Variants in FHOD3 observed in about 807,000 individuals in gnomAD.
FHOD3 encodes the protein formin homology 2 domain containing 3.
A neutral mutation model predicts 173.0 loss-of-function variants in FHOD3; 90 were observed. That is an observed-to-expected ratio of 0.52 (90% CI 0.44 to 0.62). The LOEUF is 0.62. Among genes scored for constraint, FHOD3 ranks in the 20% least tolerant of loss-of-function variants. FHOD3 has a pLI of 0.00. For missense variants in FHOD3, 1,945 were observed against 2,034.7 expected, an observed-to-expected ratio of 0.96 and a Z score of 0.85; for synonymous variants, 828 against 823.0, an observed-to-expected ratio of 1.01 and a Z score of -0.10.
chr18:36,685,614 G>C (rs993575980), intron 15 of FHOD3, among the ~76,000 whole-genome samples: 2 of 152,140 alleles, frequency 1.3e-5, no homozygotes, highest in African/African-American at 2.4e-5. Flanking sequence ...GTTTATAAAC[G>C]ATGACAAATC....
intron 6 of FHOD3, among the ~76,000 whole-genome samples, chr18:36,588,226 A>G (rs2148233670): frequency 6.6e-6 from 1 of 152,326 alleles, no homozygotes; most frequent in East Asian, 1.9e-4. Context: ...CCAGTTACGA[A>G]GGCTTTAGGG....
intron 1 of FHOD3, among the ~76,000 whole-genome samples, chr18:36,349,714 C>A (rs1322667963): frequency 6.6e-6 from 1 of 152,160 alleles, no homozygotes; most frequent in African/African-American, 2.4e-5. Flanking sequence ...ATACATAAAT[C>A]GAGACGTGAC....
In FHOD3 at chr18:36,709,103, G is replaced by C. The variant is rs746145023; in HGVS notation, c.2245G>C (p.Gly749Arg). The stretch of plus-strand genomic sequence containing the variant: ...ATTGTTGTCTCCACCAGCAAGTGCC[G>C]GGGATCCTGAACCCGAATCAGAGGC... ...GTPHHPQASAGDPEPESEAEP... is the reference protein window; with the variant it reads ...GTPHHPQASARDPEPESEAEP... Residue 749 changes from glycine (G) to arginine (R), a missense_variant, in exon 18 of 29, where the codon GGG becomes CGG. This residue lies in a region of FHOD3 where 1,099 missense variants were observed against 1,051.2 expected (regional missense o/e 1.05). Coordinates refer to ENST00000590592, the MANE Select transcript of FHOD3 (RefSeq NM_001281740.3). The C allele has an allele frequency of 6.2e-7, 1 of 1,611,924 alleles. No homozygotes were observed. The highest frequency in any genetic ancestry group is 8.5e-7 in the Non-Finnish European group (1 of 1,178,202).
At chr18:36,472,403 T>C (rs554057503) in intron 3 of FHOD3, among the ~76,000 whole-genome samples, 1 of 152,216 alleles carries the variant, frequency 6.6e-6, no homozygotes, top group Non-Finnish European at 1.5e-5. Flanking sequence ...AAACAGCTTA[T>C]TGAGATATAA....
chr18:36,768,782 C>T (rs1351947406), intron 27 of FHOD3, among the ~76,000 whole-genome samples: 1 of 152,156 alleles, frequency 6.6e-6, no homozygotes, highest in Admixed American at 6.5e-5. Context: ...AAGTTAGGGT[C>T]AGCTGACAGA....
intron 1 of FHOD3, among the ~76,000 whole-genome samples, chr18:36,351,133 A>T (rs974552811): frequency 6.6e-6 from 1 of 151,972 alleles, no homozygotes; most frequent in African/African-American, 2.4e-5. Context: ...TGTTGTTAGG[A>T]TCCCCTTTGC....
chr18:36,472,749 T>C (rs1278230844), intron 3 of FHOD3, among the ~76,000 whole-genome samples: 1 of 152,234 alleles, frequency 6.6e-6, no homozygotes, highest in African/African-American at 2.4e-5. Context: ...CAATACTTCT[T>C]TTTTTCTACT....
intron 24 of FHOD3, among the ~76,000 whole-genome samples, chr18:36,752,235 G>C (rs149501761): frequency 1.3e-5 from 2 of 152,264 alleles, no homozygotes; most frequent in East Asian, 3.9e-4. Context: ...AATTTAAGAT[G>C]AGATTTGGGT....
At chr18:36,681,336 C>T in intron 14 of FHOD3, 100 bp from the exon 15 acceptor site, 2 of 1,425,900 alleles carry the variant, frequency 1.4e-6, no homozygotes, top group Admixed American at 2.0e-5. Context: ...TGCCTAGGTA[C>T]CGGCAGACCC....
At chr18:36,579,536 C>A (rs755449945) in intron 6 of FHOD3, among the ~76,000 whole-genome samples, 4 of 152,120 alleles carry the variant, frequency 2.6e-5, no homozygotes, top group Non-Finnish European at 5.9e-5. Flanking sequence ...TAAACGTGAT[C>A]CCCAATGCAA....
chr18:36,380,590 T>C (rs1415436070), intron 3 of FHOD3, among the ~76,000 whole-genome samples: 1 of 131,634 alleles, frequency 7.6e-6, no homozygotes, highest in African/African-American at 3.1e-5. Flanking sequence ...TTCCTTTCCT[T>C]TCCTTTCCTT....
At chr18:36,660,562 G>A (rs541079012) in intron 14 of FHOD3, among the ~76,000 whole-genome samples, 50 of 152,354 alleles carry the variant, frequency 3.3e-4, no homozygotes, top group Admixed American at 1.8e-3. Flanking sequence ...GTTGGCTGCC[G>A]CCTGGAGGGT....
chr18:36,675,637 T>A (rs1476855357), intron 14 of FHOD3, among the ~76,000 whole-genome samples: 1 of 152,144 alleles, frequency 6.6e-6, no homozygotes, highest in Non-Finnish European at 1.5e-5. Context: ...AAGGGTCTAG[T>A]GCAAAAAACT....
chr18:36,561,996 GTA>G (rs1236062080), intron 5 of FHOD3, among the ~76,000 whole-genome samples: 4 of 151,434 alleles, frequency 2.6e-5, no homozygotes, highest in Non-Finnish European at 5.9e-5. Flanking sequence ...GTATTGTATT[GTA>G]TTGTATTGTA....
intron 27 of FHOD3, among the ~76,000 whole-genome samples, chr18:36,768,887 G>C (rs2043252729): frequency 6.6e-6 from 1 of 152,220 alleles, no homozygotes; most frequent in Non-Finnish European, 1.5e-5. Flanking sequence ...ATTGATGGCT[G>C]TGTAGCAGGG....
intron 1 of FHOD3, among the ~76,000 whole-genome samples, chr18:36,352,715 G>A (rs1359124506): frequency 6.6e-6 from 1 of 152,210 alleles, no homozygotes; most frequent in East Asian, 1.9e-4. Flanking sequence ...TCCAGGGGTT[G>A]AGGAAAAGGA....
At chr18:36,436,970 T>C (rs1313229613) in intron 3 of FHOD3, among the ~76,000 whole-genome samples, 1 of 152,222 alleles carries the variant, frequency 6.6e-6, no homozygotes, top group Non-Finnish European at 1.5e-5. Context: ...CTTAGACATA[T>C]CTTAGCCCCT....
chr18:36,556,650 T>A (rs943637756), intron 5 of FHOD3, among the ~76,000 whole-genome samples: 1 of 152,222 alleles, frequency 6.6e-6, no homozygotes, highest in African/African-American at 2.4e-5. Flanking sequence ...TTGCAAGTGT[T>A]AAAAACCCCA....
chr18:36,654,124 T>G (rs1437624981), intron 13 of FHOD3, among the ~76,000 whole-genome samples: 2 of 152,146 alleles, frequency 1.3e-5, no homozygotes, highest in African/African-American at 4.8e-5. Context: ...CAAGTCCTTG[T>G]CAGCAAGATG....
Sources: allele counts gnomAD v4.1 joint callset (sites outside exome capture counted in the v4.1 genomes callset), GRCh38; gene constraint gnomAD v4.1.1; regional missense constraint gnomAD v4.1.1; transcripts MANE v1.5; gene names NCBI Gene and HGNC (gene_info 2026-07-23, HGNC 2026-07-21).